The following MIA2 variants were observed in gnomAD, a reference collection of about 807,000 sequenced individuals.
The protein encoded by MIA2 is melanoma inhibitory activity protein 2.
In MIA2, 127 loss-of-function variants were observed where a neutral mutation model predicts 167.8. That is an observed-to-expected ratio of 0.76 (90% CI 0.66 to 0.88). MIA2 has a LOEUF of 0.88. Among genes scored for constraint, MIA2 ranks in the 40% least tolerant of loss-of-function variants. MIA2 has a pLI of 0.00. For missense variants in MIA2, 1,690 were observed against 1,624.7 expected, an observed-to-expected ratio of 1.04 and a Z score of -0.69; for synonymous variants, 552 against 541.9, an observed-to-expected ratio of 1.02 and a Z score of -0.26.
chr14:39,380,379 A>G (rs564381288), intron 23 of MIA2, among the ~76,000 whole-genome samples: 2 of 152,292 alleles, frequency 1.3e-5, no homozygotes, highest in East Asian at 3.9e-4. Context: ...TATAGAGAGA[A>G]AGTCGGTGGG....
intron 3 of MIA2, among the ~76,000 whole-genome samples, chr14:39,245,657 C>T (rs940563579): frequency 3.9e-5 from 6 of 152,126 alleles, no homozygotes; most frequent in Non-Finnish European, 7.4e-5. Context: ...GAGAAGTCTT[C>T]TTGATGCAAC....
chr14:39,301,037 C>CATATAT (rs1446621324), intron 14 of MIA2, among the ~76,000 whole-genome samples: 1 of 43,258 alleles, frequency 2.3e-5, no homozygotes, highest in African/African-American at 1.0e-4. Flanking sequence ...TATACATATA[C>CATATAT]ATACACACAC....
At chr14:39,317,873 A>G (rs980188516) in intron 21 of MIA2, 71 bp from the exon 22 acceptor site, 3 of 956,254 alleles carry the variant, frequency 3.1e-6, no homozygotes, top group African/African-American at 1.7e-5. Context: ...ATGAATGTTT[A>G]TATTGACATA....
chr14:39,271,901 GGGTGGTTCCCCTACCAGAAGGCAGGA>G (rs554532883), intron 6 of MIA2, among the ~76,000 whole-genome samples: 1 of 152,252 alleles, frequency 6.6e-6, no homozygotes, highest in South Asian at 2.1e-4. Context: ...GGAATGCAGG[GGGTGGTTCCCCTACCAGAAGGCAGGA>G]AAGTCCCCCT....
chr14:39,381,779 G>A (rs567895824), intron 23 of MIA2, among the ~76,000 whole-genome samples: 6 of 151,498 alleles, frequency 4.0e-5, no homozygotes, highest in African/African-American at 1.5e-4. Context: ...GTCAGGTAGA[G>A]TTGGTCAAAC....
chr14:39,307,390 A>ATTTTTTTTTTTT (rs373046158), intron 17 of MIA2, among the ~76,000 whole-genome samples: 2 of 67,484 alleles, frequency 3.0e-5, no homozygotes, highest in African/African-American at 9.8e-5. Context: ...AGTTAAAAGA[A>ATTTTTTTTTTTT]TTTTTTTTTT....
intron 6 of MIA2, among the ~76,000 whole-genome samples, chr14:39,270,443 C>T (rs541065847): frequency 3.3e-5 from 5 of 152,206 alleles, no homozygotes; most frequent in African/African-American, 1.2e-4. Context: ...TTGTGATCCA[C>T]CCGCCTCGGC....
rs554731846 is a variant in MIA2, at chr14:39,385,015, G to A, written c.2249-1870G>A. ...GCTAAAAAATTAGGTCAAGTAACAT[G>A]CTTTAATATTTCTAAATGTTACTTA... On this transcript the variant is annotated intron_variant, in intron 23 of 23. Coordinates refer to the MIA2 transcript ENST00000341502. Among the ~76,000 whole-genome samples, 3 of 152,232 alleles carry A rather than the reference G, an allele frequency of 2.0e-5. No individual in the cohort carries two copies. The East Asian group carries it at 5.8e-4, about 29-fold the overall frequency.
intron 25 of MIA2, 120 bp from the exon 26 acceptor site, chr14:39,345,784 A>G: frequency 1.3e-6 from 1 of 741,024 alleles, no homozygotes; most frequent in East Asian, 2.8e-5. Context: ...TTGTCAACCA[A>G]GAAGATGATG....
chr14:39,242,117 G>A lies in MIA2; in HGVS notation c.336+1470G>A, dbSNP rs2054070158. 3.3e-5 allele frequency among the ~76,000 whole-genome samples: 5 copies of A among 152,178 alleles called. No homozygotes were observed. The South Asian group carries it at 1.0e-3, about 32-fold the overall frequency. ...CTGGATTGTGGTGATGGTAACACAAGTGTATACATTTGTTCAAAAGCATAC... is the reference window on the plus strand; with the variant it reads ...CTGGATTGTGGTGATGGTAACACAAATGTATACATTTGTTCAAAAGCATAC... On this transcript the variant is annotated intron_variant, in intron 3 of 28. Transcript: ENST00000640607.
downstream of MIA2, among the ~76,000 whole-genome samples, chr14:39,353,721 G>A (rs147053564): frequency 3.9e-3 from 598 of 151,832 alleles, 4 homozygotes; most frequent in South Asian, 0.027. Context: ...CCTCTCCCCT[G>A]ACCCTATAAC....
chr14:39,291,007 G>T lies in MIA2; in HGVS notation c.2131-12G>T, dbSNP rs1305086796. On this transcript the variant is annotated splice_polypyrimidine_tract_variant and intron_variant, in intron 9 of 28. Coordinates refer to ENST00000640607, the MANE Select transcript of MIA2 (RefSeq NM_001329214.4). ...TGGTAGAGTTTTTACTTGTGATGTT[G>T]CTTTGTTTCAGTATGAAGGCTATGA... 3 of 1,599,136 alleles carry T rather than the reference G, an allele frequency of 1.9e-6. No homozygotes were observed. The highest frequency in any genetic ancestry group is 2.6e-6 in the Non-Finnish European group (3 of 1,173,574).
intron 25 of MIA2, among the ~76,000 whole-genome samples, chr14:39,330,962 G>A (rs1220016688): frequency 6.6e-6 from 1 of 152,166 alleles, no homozygotes. Context: ...GAGTTCTGTA[G>A]TTGTCTGTTA....
chr14:39,298,974 G>A (rs1035460985), intron 13 of MIA2, among the ~76,000 whole-genome samples: 10 of 141,178 alleles, frequency 7.1e-5, no homozygotes, highest in African/African-American at 2.4e-4. Flanking sequence ...TTGTAGTCTA[G>A]TTGCTTGGGA....
chr14:39,318,550 T>C (rs1436172465), intron 22 of MIA2, among the ~76,000 whole-genome samples: 3 of 152,208 alleles, frequency 2.0e-5, no homozygotes, highest in Non-Finnish European at 4.4e-5. Flanking sequence ...CACAATGTAC[T>C]GTTAACATTA....
intron 24 of MIA2, among the ~76,000 whole-genome samples, chr14:39,322,915 A>C (rs541616948): frequency 3.9e-5 from 6 of 152,332 alleles, no homozygotes; most frequent in African/African-American, 1.2e-4. Flanking sequence ...CAGTGATTTT[A>C]ACAGATTGAA....
intron 24 of MIA2, among the ~76,000 whole-genome samples, chr14:39,324,737 G>C (rs2067133431): frequency 6.6e-6 from 1 of 152,100 alleles, no homozygotes; most frequent in East Asian, 1.9e-4. Flanking sequence ...TTCCCGAGTA[G>C]CTGGGATTAC....
At chr14:39,269,081 T>TTTTTTTTTTA in intron 6 of MIA2, 1 of 809,784 alleles carries the variant, frequency 1.2e-6, no homozygotes, top group Non-Finnish European at 1.4e-6. Context: ...ACAGTTTTTT[T>TTTTTTTTTTA]TTTTTTTTTT....
chr14:39,333,933 A>G (rs1396063360), intron 25 of MIA2, among the ~76,000 whole-genome samples: 2 of 152,176 alleles, frequency 1.3e-5, no homozygotes, highest in Non-Finnish European at 2.9e-5. Flanking sequence ...CTGTGGTTTG[A>G]CAGAGGGCCA....
Sources: allele counts gnomAD v4.1 joint callset (sites outside exome capture counted in the v4.1 genomes callset), GRCh38; gene constraint gnomAD v4.1.1; transcripts MANE v1.5; gene names NCBI Gene and HGNC (gene_info 2026-07-23, HGNC 2026-07-21).